The following BEND7 variants were observed in gnomAD, a reference collection of about 807,000 sequenced individuals.
BEND7 encodes BEN domain containing 7, also known as BEN domain-containing protein 7.
BEND7 carries 28 observed loss-of-function variants against 50.9 expected under a neutral mutation model. The ratio of observed to expected loss-of-function variants is 0.55; its 90% CI spans 0.41 to 0.75. BEND7 has a LOEUF of 0.75. Among genes scored for constraint, BEND7 ranks in the 30% least tolerant of loss-of-function variants. BEND7 has a pLI of 0.00. For missense variants in BEND7, 477 were observed against 491.3 expected, an observed-to-expected ratio of 0.97 and a Z score of 0.28; for synonymous variants, 170 against 183.9, an observed-to-expected ratio of 0.92 and a Z score of 0.61.
chr10:13,484,980 C>A (rs936059983), intron 5 of BEND7, among the ~76,000 whole-genome samples: 1 of 152,150 alleles, frequency 6.6e-6, no homozygotes, highest in East Asian at 1.9e-4. Flanking sequence ...TGGACTTTCA[C>A]GAATTTGTTT....
chr10:13,444,681 A>C (rs1835912561), intron 8 of BEND7: 1 of 152,258 alleles, frequency 6.6e-6, no homozygotes, highest in African/African-American at 2.4e-5. Context: ...GGGTGTTAGG[A>C]GCAGCACTGC....
At position 13,500,097 on chromosome 10, in the gene BEND7, C is replaced by T; in HGVS notation, c.146-17G>A. On this transcript the variant is annotated splice_polypyrimidine_tract_variant and intron_variant, in intron 2 of 8. Transcript: ENST00000466271. ...TTTCATCTCCTAATGGAAACAGGGC[C>T]AAAGTTAGCACTCTAAATTAGTGAA... 6.5e-7 allele frequency: 1 copy of T among 1,548,682 alleles called. No individual in the cohort carries two copies. Among genetic ancestry groups the T allele is most frequent in the South Asian group, 1.2e-5 (1 of 84,204 alleles).
chr10:13,439,347 G>A (rs199719225), downstream of BEND7: 2 of 1,614,146 alleles, frequency 1.2e-6, no homozygotes, highest in East Asian at 2.2e-5. Context: ...TCTGTCTCTG[G>A]TAAGGTTGTT....
intron 2 of BEND7, among the ~76,000 whole-genome samples, chr10:13,524,294 G>A (rs1026513862): frequency 1.2e-4 from 19 of 152,148 alleles, no homozygotes; most frequent in Non-Finnish European, 2.2e-4. Flanking sequence ...TTCTACTAAA[G>A]GGTAAATTCG....
chr10:13,506,432 G>C (rs1361680358), intron 2 of BEND7, among the ~76,000 whole-genome samples: 1 of 152,122 alleles, frequency 6.6e-6, no homozygotes, highest in African/African-American at 2.4e-5. Context: ...CAGCAGTTCT[G>C]CGAGCCAGGA....
At chr10:13,488,019 G>A (rs1460134674) in intron 5 of BEND7, among the ~76,000 whole-genome samples, 2 of 150,220 alleles carry the variant, frequency 1.3e-5, no homozygotes, top group Admixed American at 1.3e-4. Flanking sequence ...CTTGAACCCT[G>A]GAGGTGAGCC....
intron 2 of BEND7, among the ~76,000 whole-genome samples, chr10:13,506,295 A>T (rs1362425872): frequency 6.6e-6 from 1 of 152,164 alleles, no homozygotes; most frequent in Non-Finnish European, 1.5e-5. Context: ...CATGAAAATT[A>T]TTCATTCTCC....
intron 6 of BEND7, among the ~76,000 whole-genome samples, chr10:13,465,582 A>T (rs2074162773): frequency 6.6e-6 from 1 of 152,178 alleles, no homozygotes; most frequent in Non-Finnish European, 1.5e-5. Context: ...AGCCATATTT[A>T]TCTGGTTCTT....
chr10:13,447,193 C>A, intron 8 of BEND7, 73 bp downstream of exon 8: 1 of 1,486,608 alleles, frequency 6.7e-7, no homozygotes, highest in Admixed American at 1.8e-5. Context: ...ATGTTAAAAT[C>A]GTTTTCAATG....
At chr10:13,517,970 T>C (rs2078816081) in intron 2 of BEND7, among the ~76,000 whole-genome samples, 2 of 152,230 alleles carry the variant, frequency 1.3e-5, no homozygotes, top group African/African-American at 4.8e-5. Context: ...ATCCCAGGTC[T>C]ATTTTTAACT....
chr10:13,504,657 C>T (rs900409527), intron 2 of BEND7, among the ~76,000 whole-genome samples: 1 of 152,218 alleles, frequency 6.6e-6, no homozygotes, highest in African/African-American at 2.4e-5. Context: ...TCTAGCGAGA[C>T]AGGATGCTAT....
intron 2 of BEND7, among the ~76,000 whole-genome samples, chr10:13,514,182 C>T (rs1427571632): frequency 6.6e-6 from 1 of 152,230 alleles, no homozygotes; most frequent in Admixed American, 6.5e-5. Context: ...TCTCTTATCA[C>T]AACCTAGTGG....
rs147699400 is a variant in BEND7 at position 13,499,584 on chromosome 10, T to C, written c.448+194A>G. Among the ~76,000 whole-genome samples the C allele has an allele frequency of 3.3e-5, 5 of 152,342 alleles. 1 individual carries two copies. The highest frequency in any genetic ancestry group is 3.4e-3 in the Middle Eastern group (1 of 294). The stretch of plus-strand genomic sequence containing the variant: ...CACTTATAACATAGAACCCCCTGTC[T>C]TTCCTAATTCTCAATTCTGTTTTTT... On this transcript the variant is annotated intron_variant, in intron 3 of 8. Transcript: ENST00000466271.
intron 2 of BEND7, among the ~76,000 whole-genome samples, chr10:13,522,153 G>C (rs866320601): frequency 6.6e-6 from 1 of 152,314 alleles, no homozygotes; most frequent in Middle Eastern, 3.4e-3. Flanking sequence ...ATAAATGAAT[G>C]AGACTGAACA....
intron 2 of BEND7, among the ~76,000 whole-genome samples, chr10:13,515,486 T>C (rs922347105): frequency 3.3e-5 from 5 of 152,258 alleles, no homozygotes; most frequent in Non-Finnish European, 7.3e-5. Flanking sequence ...AAAACAATTT[T>C]ATAGATTCTT....
intron 2 of BEND7, among the ~76,000 whole-genome samples, chr10:13,505,149 C>G (rs983123072): frequency 6.6e-6 from 1 of 152,240 alleles, no homozygotes; most frequent in African/African-American, 2.4e-5. Context: ...ATTCCAGAAG[C>G]AAGGCTCTGT....
In BEND7 at chr10:13,454,711, AT is replaced by A. The variant is rs1417154788; in HGVS notation, c.1064-2054del. Among the ~76,000 whole-genome samples, 14 of 151,090 alleles carry A rather than the reference AT, an allele frequency of 9.3e-5. No homozygotes were observed. The East Asian group carries it at 9.7e-4, about 10-fold the overall frequency. On this transcript the variant is annotated intron_variant, in intron 6 of 8. Transcript: ENST00000466271. ...GCATTATTTTTTATTGCTGCATTGA[AT>A]TTTTTTTTTCCTGAATATTTTCAAT...
At chr10:13,476,885 A>ACT (rs2075482789) in intron 6 of BEND7, among the ~76,000 whole-genome samples, 2 of 151,538 alleles carry the variant, frequency 1.3e-5, no homozygotes, top group Non-Finnish European at 2.9e-5. Context: ...CTAATTAAAA[A>ACT]CTCTTTCATC....
chr10:13,463,648 A>T (rs879384075), intron 6 of BEND7, among the ~76,000 whole-genome samples: 2 of 152,094 alleles, frequency 1.3e-5, no homozygotes, highest in Non-Finnish European at 2.9e-5. Flanking sequence ...AAAAAAAAAT[A>T]AAAGGATATA....
Sources: allele counts gnomAD v4.1 joint callset (sites outside exome capture counted in the v4.1 genomes callset), GRCh38; gene constraint gnomAD v4.1.1; transcripts MANE v1.5; gene names NCBI Gene and HGNC (gene_info 2026-07-23, HGNC 2026-07-21).